KATNIP: variants seen among roughly 807,000 people sequenced by gnomAD.
The protein encoded by KATNIP is katanin-interacting protein.
KATNIP carries 126 observed loss-of-function variants against 174.0 expected under a neutral mutation model. The ratio of observed to expected loss-of-function variants is 0.72; its 90% confidence interval spans 0.63 to 0.84. KATNIP has a LOEUF of 0.84. Among genes scored for constraint, KATNIP ranks in the 40% least tolerant of loss-of-function variants. The pLI is 0.00. For synonymous variants in KATNIP, 810 were observed against 835.7 expected, an observed-to-expected ratio of 0.97 and a Z score of 0.53; for missense variants, 1,958 against 2,109.7, an observed-to-expected ratio of 0.93 and a Z score of 1.41.
intron 2 of KATNIP, among the ~76,000 whole-genome samples, chr16:27,600,726 C>T (rs1279669595): frequency 2.6e-5 from 4 of 151,556 alleles, no homozygotes; most frequent in Non-Finnish European, 5.9e-5. Context: ...GGCACAGCTG[C>T]CTCCTCTTTT....
At position 27,750,301 on chromosome 16, in the gene KATNIP, C is replaced by T. The variant is rs748340428; in HGVS notation, c.3341C>T (p.Ala1114Val). The T allele has an allele frequency of 2.6e-5, 41 of 1,606,432 alleles. No homozygotes were observed. The highest frequency in any genetic ancestry group is 2.2e-4 in the Admixed American group (13 of 59,734). Residue 1114 changes from alanine to valine, a missense_variant, in exon 16 of 28, where the codon GCG (alanine) becomes GTG (valine). By Grantham distance (64) the Ala-to-Val change is moderately conservative. Transcript: ENST00000261588. ...ATCGCCAAGGCCTCTGGAACCCTGG[C>T]GGGAGGTATGGCGTGTCTGTAAGAA... Reference protein sequence around the residue: ...GEIAKASGTLAGAPEHFGDTI... With the variant: ...GEIAKASGTLVGAPEHFGDTI...
chr16:27,703,774 A>G (rs543288207), intron 11 of KATNIP, 122 bp from the exon 12 acceptor site: 1 of 758,000 alleles, frequency 1.3e-6, no homozygotes, highest in South Asian at 1.6e-5. Context: ...TGAACTGGAT[A>G]CAGAGTGCAT....
chr16:27,600,855 G>A (rs184529100), intron 2 of KATNIP, among the ~76,000 whole-genome samples: 13 of 151,400 alleles, frequency 8.6e-5, no homozygotes, highest in Middle Eastern at 3.4e-3. Context: ...TCAGCCTCCC[G>A]AGTACCTGGG....
intron 22 of KATNIP, among the ~76,000 whole-genome samples, chr16:27,771,898 G>T (rs562975936): frequency 1.3e-5 from 2 of 152,270 alleles, no homozygotes; most frequent in Admixed American, 1.3e-4. Flanking sequence ...AGCTGGGAGG[G>T]GCTAGAGAAG....
chr16:27,601,776 G>A (rs972564073), intron 2 of KATNIP, among the ~76,000 whole-genome samples: 1 of 152,162 alleles, frequency 6.6e-6, no homozygotes, highest in African/African-American at 2.4e-5. Context: ...ATATGTGTAG[G>A]ATCAATAGGA....
chr16:27,590,555 CT>C (rs1352908314), intron 2 of KATNIP, among the ~76,000 whole-genome samples: 1 of 152,178 alleles, frequency 6.6e-6, no homozygotes, highest in Non-Finnish European at 1.5e-5. Context: ...AGATGTAATA[CT>C]TGGTCTTGTG....
intron 10 of KATNIP, among the ~76,000 whole-genome samples, 184 bp downstream of exon 10, chr16:27,699,783 C>T (rs965998024): frequency 3.9e-5 from 6 of 152,238 alleles, no homozygotes; most frequent in African/African-American, 1.4e-4. Context: ...TGTCATGCTG[C>T]CCATTTCACA....
At chr16:27,773,365 C>T (rs978881421) in intron 23 of KATNIP, among the ~76,000 whole-genome samples, 156 bp downstream of exon 23, 10 of 152,238 alleles carry the variant, frequency 6.6e-5, no homozygotes, top group South Asian at 6.2e-4. Context: ...CCCTTGGGGA[C>T]GGGCAGCAGA....
At chr16:27,578,189 C>G (rs1047861661) in intron 2 of KATNIP, among the ~76,000 whole-genome samples, 4 of 152,010 alleles carry the variant, frequency 2.6e-5, no homozygotes, top group Admixed American at 2.6e-4. Context: ...AAAAATTAGC[C>G]AGGCGTGGTG....
At chr16:27,737,223 ATTTAT>A (rs2080929730) in intron 14 of KATNIP, among the ~76,000 whole-genome samples, 1 of 152,020 alleles carries the variant, frequency 6.6e-6, no homozygotes, top group Non-Finnish European at 1.5e-5. Flanking sequence ...ACAAAAAAAA[ATTTAT>A]TTTAATTAGC....
At chr16:27,705,606 A>C (rs2079268429) in intron 12 of KATNIP, among the ~76,000 whole-genome samples, 1 of 152,094 alleles carries the variant, frequency 6.6e-6, no homozygotes, top group Non-Finnish European at 1.5e-5. Flanking sequence ...TATCTGCTGC[A>C]AGTTCACCGA....
In KATNIP at chr16:27,776,937, G is replaced by T. The variant is rs1192960240; in HGVS notation, c.4459G>T (p.Val1487Phe). The T allele has an allele frequency of 6.2e-7, 1 of 1,611,604 alleles. No homozygotes were observed. Among genetic ancestry groups the T allele is most frequent in the East Asian group, 2.2e-5 (1 of 44,888 alleles). ...TGCCGCTCTCTGACAGGTGAACCGG[G>T]TTTATGTGATTTTCGATCTGCCTAC... Reference protein sequence around the residue: ...APILPGLVNRVYVIFDLPTTV... With the variant: ...APILPGLVNRFYVIFDLPTTV... The change falls in exon 25 of 28, where the codon GTT becomes TTT. Residue 1487 changes from valine to phenylalanine, a missense_variant. Val to Phe is a conservative substitution (Grantham distance 50, BLOSUM62 -1). Transcript: ENST00000261588. This position sits in a 1 kb window ranked among gnomAD's most constrained non-coding sequence, Gnocchi z 4.7.
intron 14 of KATNIP, among the ~76,000 whole-genome samples, chr16:27,728,806 A>G (rs970768726): frequency 1.3e-5 from 2 of 152,244 alleles, no homozygotes; most frequent in Non-Finnish European, 1.5e-5. Flanking sequence ...AAAGAGAATG[A>G]AAGTGGACTC....
chr16:27,689,982 T>C lies in KATNIP; in HGVS notation c.941-8346T>C, dbSNP rs532202787. Among the ~76,000 whole-genome samples, 28 of 152,208 alleles carry C rather than the reference T, an allele frequency of 1.8e-4. No individual in the cohort carries two copies. The South Asian group carries it at 4.6e-3, about 25-fold the overall frequency. On this transcript the variant is annotated intron_variant, in intron 8 of 27. Coordinates refer to ENST00000261588, the MANE Select transcript of KATNIP (RefSeq NM_015202.5). ...CTTTTTAAAGACTGCTTGGTCATGATTGCTAATGTCCTGTTAGCCAAAGAA... is the reference window on the plus strand; with the variant it reads ...CTTTTTAAAGACTGCTTGGTCATGACTGCTAATGTCCTGTTAGCCAAAGAA...
intron 14 of KATNIP, among the ~76,000 whole-genome samples, chr16:27,731,600 C>G (rs753281333): frequency 4.6e-5 from 7 of 151,900 alleles, no homozygotes; most frequent in African/African-American, 1.7e-4. Flanking sequence ...GCCCATTTCA[C>G]GGCCCTGTCT....
chr16:27,724,881 CA>C (rs1257086485), intron 14 of KATNIP, among the ~76,000 whole-genome samples: 1 of 152,136 alleles, frequency 6.6e-6, no homozygotes, highest in Admixed American at 6.6e-5. Context: ...CTAATCCAAC[CA>C]GGGCTTATTT....
At chr16:27,610,188 C>G (rs1351573748) in intron 2 of KATNIP, among the ~76,000 whole-genome samples, 2 of 152,034 alleles carry the variant, frequency 1.3e-5, no homozygotes, top group Non-Finnish European at 2.9e-5. Flanking sequence ...CTCATCAGGC[C>G]CCCCAGGTGG....
intron 15 of KATNIP, among the ~76,000 whole-genome samples, chr16:27,743,299 A>AT (rs997440773): frequency 3.1e-4 from 47 of 152,024 alleles, no homozygotes; most frequent in African/African-American, 1.1e-3. Flanking sequence ...TAATGCATGC[A>AT]TTTTTTTAAT....
chr16:27,618,292 G>T, intron 2 of KATNIP, 133 bp from the exon 3 acceptor site: 1 of 668,150 alleles, frequency 1.5e-6, no homozygotes. Flanking sequence ...GGAGCAATGC[G>T]CCTGGGGTGT....
Sources: allele counts gnomAD v4.1 joint callset (sites outside exome capture counted in the v4.1 genomes callset), GRCh38; gene constraint gnomAD v4.1.1; non-coding constraint Gnocchi (gnomAD v3.1); transcripts MANE v1.5; gene names NCBI Gene and HGNC (gene_info 2026-07-23, HGNC 2026-07-21).